FRMPD4: variants seen among roughly 807,000 people sequenced by gnomAD.
FRMPD4 encodes the protein FERM and PDZ domain-containing protein 4.
FRMPD4 carries 22 observed loss-of-function variants against 94.1 expected under a neutral mutation model. That is an observed-to-expected ratio of 0.23 (90% CI 0.17 to 0.33). The LOEUF (loss-of-function observed/expected upper bound fraction) is 0.33. Among genes scored for constraint, FRMPD4 ranks in the 10% least tolerant of loss-of-function variants. The pLI is 1.00. For synonymous variants in FRMPD4, 631 were observed against 548.6 expected (o/e 1.15, Z -2.10); for missense variants, 1,111 against 1,339.9 (o/e 0.83, Z 2.67).
At chrX:11,995,540 T>A (rs1452733811) in intron 3 of FRMPD4, among the ~76,000 whole-genome samples, 1 of 111,915 alleles carries the variant, frequency 8.9e-6, no homozygotes, top group African/African-American at 3.2e-5. Context: ...CAAGGGAAGA[T>A]TCTACTTGGA....
chrX:12,272,720 A>G (rs756066098), intron 1 of FRMPD4, among the ~76,000 whole-genome samples: 6 of 111,873 alleles, frequency 5.4e-5, no homozygotes, highest in Admixed American at 4.8e-4. Flanking sequence ...AATAAATACC[A>G]TACCCAAGTT....
chrX:12,563,242 A>ACT (rs1385670394), intron 2 of FRMPD4, among the ~76,000 whole-genome samples: 24 of 97,243 alleles, frequency 2.5e-4, no homozygotes, highest in Non-Finnish European at 4.8e-4. Context: ...AAGTGTGTAC[A>ACT]CACACACACA....
intron 2 of FRMPD4, among the ~76,000 whole-genome samples, chrX:12,503,858 G>A (rs980167370): frequency 1.6e-4 from 18 of 112,006 alleles, no homozygotes; most frequent in Admixed American, 1.6e-3. Flanking sequence ...AAGATTTCAT[G>A]AGACTTTTAC....
At chrX:12,107,916 G>C (rs1206342156) in intron 3 of FRMPD4, among the ~76,000 whole-genome samples, 2 of 111,832 alleles carry the variant, frequency 1.8e-5, no homozygotes, top group Non-Finnish European at 3.8e-5. Context: ...AGAAATATGG[G>C]ACTATGTGAA....
intron 3 of FRMPD4, among the ~76,000 whole-genome samples, chrX:11,896,888 G>T (rs2053907224): frequency 9.0e-6 from 1 of 111,386 alleles, no homozygotes. Flanking sequence ...CAGCAGGTCT[G>T]GTACAAAGCC....
intron 4 of FRMPD4, among the ~76,000 whole-genome samples, chrX:12,668,766 G>A (rs1046080778): frequency 3.7e-5 from 4 of 109,461 alleles, no homozygotes; most frequent in Admixed American, 9.7e-5. Flanking sequence ...CACCATGCCC[G>A]GCTAATTTTT....
At chrX:12,592,920 G>A (rs1186029643) in intron 2 of FRMPD4, among the ~76,000 whole-genome samples, 1 of 111,832 alleles carries the variant, frequency 8.9e-6, no homozygotes, top group Non-Finnish European at 1.9e-5. Flanking sequence ...TGTTAAAAAT[G>A]CTTTGTCCTT....
At chrX:11,980,218 A>G (rs1195015737) in intron 3 of FRMPD4, among the ~76,000 whole-genome samples, 1 of 112,080 alleles carries the variant, frequency 8.9e-6, no homozygotes, top group Non-Finnish European at 1.9e-5. Context: ...TGTCAATTTC[A>G]TCTAATCTAT....
At chrX:12,024,266 G>A (rs1373670781) in intron 3 of FRMPD4, among the ~76,000 whole-genome samples, 1 of 111,722 alleles carries the variant, frequency 9.0e-6, no homozygotes, top group African/African-American at 3.3e-5. Flanking sequence ...ATTTATGAAT[G>A]TGTCATGCAT....
chrX:12,474,426 C>G (rs1177122224), intron 1 of FRMPD4, among the ~76,000 whole-genome samples: 2 of 111,126 alleles, frequency 1.8e-5, no homozygotes, highest in Admixed American at 9.5e-5. Context: ...CAAACACATT[C>G]AAAAGCTAGC....
chrX:12,513,875 T>C (rs1158499768), intron 2 of FRMPD4, among the ~76,000 whole-genome samples: 1 of 112,084 alleles, frequency 8.9e-6, no homozygotes, highest in African/African-American at 3.2e-5. Flanking sequence ...CATTTGTGTG[T>C]GTCCTCTCTG....
chrX:12,150,440 G>A (rs1387494363), intron 1 of FRMPD4, among the ~76,000 whole-genome samples: 2 of 111,532 alleles, frequency 1.8e-5, no homozygotes, highest in Non-Finnish European at 3.8e-5. Flanking sequence ...TCTCATTCTC[G>A]TATTTCTTTT....
At chrX:12,582,783 A>G (rs1472868377) in intron 2 of FRMPD4, among the ~76,000 whole-genome samples, 1 of 112,166 alleles carries the variant, frequency 8.9e-6, no homozygotes, top group Non-Finnish European at 1.9e-5. Flanking sequence ...CTGTCAGCCA[A>G]CCAAGAGACA....
intron 3 of FRMPD4, among the ~76,000 whole-genome samples, chrX:11,966,667 C>T (rs1254501650): frequency 9.0e-6 from 1 of 111,417 alleles, no homozygotes; most frequent in African/African-American, 3.3e-5. Flanking sequence ...TCCCCAATCT[C>T]GTATTTTTAA....
At chrX:12,057,543 A>T (rs2054861077) in intron 3 of FRMPD4, among the ~76,000 whole-genome samples, 1 of 111,807 alleles carries the variant, frequency 8.9e-6, no homozygotes, top group Non-Finnish European at 1.9e-5. Flanking sequence ...ATCCTAAATC[A>T]GTATTAGTCA....
At chrX:12,069,331 C>T (rs1388179952) in intron 3 of FRMPD4, among the ~76,000 whole-genome samples, 4 of 111,171 alleles carry the variant, frequency 3.6e-5, no homozygotes, top group Non-Finnish European at 7.5e-5. Context: ...TGAAGGGAAG[C>T]TTCGGGAGGC....
Position 12,200,331 on chromosome X carries a change from T to C in FRMPD4, c.41+61319T>C, listed in dbSNP as rs182022773. ...AGGTTGGAAGCAAGATGGAGTCAGT[T>C]AGGTCAGACCTCTTTCACTGTAATA... is the stretch of plus-strand genomic sequence containing the variant. On this transcript the variant is annotated intron_variant, in intron 1 of 16. Transcript: ENST00000675598. Among the ~76,000 whole-genome samples, 6 of 109,961 alleles carry C rather than the reference T, an allele frequency of 5.5e-5. No individual in the cohort carries two copies. The East Asian group carries it at 1.7e-3, about 31-fold the overall frequency.
At chrX:12,043,737 A>T (rs1569148044) in intron 3 of FRMPD4, among the ~76,000 whole-genome samples, 1 of 112,145 alleles carries the variant, frequency 8.9e-6, no homozygotes, top group Non-Finnish European at 1.9e-5. Flanking sequence ...TTCTTCCTAC[A>T]TCTTGATATT....
intron 2 of FRMPD4, among the ~76,000 whole-genome samples, chrX:12,505,751 G>A (rs201665912): frequency 6.7e-5 from 6 of 89,599 alleles, no homozygotes; most frequent in African/African-American, 1.7e-4. Flanking sequence ...AAAAAAAAAG[G>A]GGGGGAGAGC....
Sources: gnomAD v4.1 joint callset for allele counts (sites outside exome capture counted in the v4.1 genomes callset) on GRCh38, gnomAD v4.1.1 for gene constraint, MANE v1.5 for transcripts, NCBI Gene and HGNC (gene_info 2026-07-23, HGNC 2026-07-21) for gene names.